KIAA0319L: variants seen among roughly 807,000 people sequenced by gnomAD.
KIAA0319L encodes the protein dyslexia-associated protein KIAA0319-like protein.
A neutral mutation model predicts 120.1 loss-of-function variants in KIAA0319L; 55 were observed. The ratio of observed to expected loss-of-function variants is 0.46; its 90% confidence interval spans 0.37 to 0.57. The LOEUF (loss-of-function observed/expected upper bound fraction) is 0.57. KIAA0319L is among the 20% of genes least tolerant of loss of function. The pLI, the probability that KIAA0319L is intolerant of heterozygous loss-of-function variation, is 0.00. For missense variants in KIAA0319L, 1,049 were observed against 1,255.3 expected, an observed-to-expected ratio of 0.84 and a Z score of 2.48; for synonymous variants, 398 against 471.9, an observed-to-expected ratio of 0.84 and a Z score of 2.03.
At position 35,474,678 on chromosome 1, in the gene KIAA0319L, C is replaced by T. The variant is rs72659618; in HGVS notation, c.1015+127G>A. 0.015 allele frequency: 8,885 copies of T among 585,544 alleles called. 104 individuals carry two copies. Among genetic ancestry groups the T allele is most frequent in the Non-Finnish European group, 0.02 (6,507 of 327,658 alleles). 36.3% of individuals were successfully genotyped at this position (585,544 alleles called of 1,614,324 possible). On this transcript the variant is annotated intron_variant, in intron 5 of 20. Transcript: ENST00000325722. ...TGGTAGTGTATGCCAGTAGTTCCAGCTACTAGGAAGACTAAGGTGGGAGGA... is the reference window on the plus strand; with the variant it reads ...TGGTAGTGTATGCCAGTAGTTCCAGTTACTAGGAAGACTAAGGTGGGAGGA...
At chr1:35,459,715 C>T (rs981690417) in intron 9 of KIAA0319L, among the ~76,000 whole-genome samples, 4 of 152,072 alleles carry the variant, frequency 2.6e-5, no homozygotes, top group African/African-American at 9.7e-5. Context: ...GTATGATACT[C>T]ATATATTAAT....
At position 35,554,476 on chromosome 1, in the gene KIAA0319L, C is replaced by G; in HGVS notation, c.16G>C (p.Gly6Arg). Residue 6 changes from glycine (G) to arginine (R), a missense_variant, in exon 2 of 21, where the codon GGA becomes CGA. Transcript: ENST00000325722. ...CAGGAAGCAGGATTTGGCTTGACTC[C>G]CAGCCTCTTCTCCATGGCCCTCCAG... MEKRL[G>R]VKPNPASWIL... 1 of 1,610,598 alleles carries G rather than the reference C, an allele frequency of 6.2e-7. No homozygotes were observed. Among genetic ancestry groups the G allele is most frequent in the South Asian group, 1.1e-5 (1 of 90,108 alleles).
intron 2 of KIAA0319L, among the ~76,000 whole-genome samples, chr1:35,524,650 T>A (rs2148451979): frequency 6.6e-6 from 1 of 152,328 alleles, no homozygotes; most frequent in African/African-American, 2.4e-5. Context: ...CTTTGCCTTA[T>A]CTCAAGGGAG....
intron 3 of KIAA0319L, among the ~76,000 whole-genome samples, chr1:35,500,198 A>T (rs1644954998): frequency 6.6e-6 from 1 of 152,218 alleles, no homozygotes; most frequent in African/African-American, 2.4e-5. Context: ...CTGCGCTCAA[A>T]TAAAGCACTT....
At chr1:35,465,685 G>T (rs1046187181) in intron 7 of KIAA0319L, among the ~76,000 whole-genome samples, 1 of 152,148 alleles carries the variant, frequency 6.6e-6, no homozygotes, top group African/African-American at 2.4e-5. Flanking sequence ...GAATGATATG[G>T]TTTGGCTGTG....
intron 3 of KIAA0319L, among the ~76,000 whole-genome samples, chr1:35,503,402 C>T (rs527798916): frequency 2.6e-5 from 4 of 152,318 alleles, no homozygotes; most frequent in African/African-American, 7.2e-5. Context: ...TGGCACACTC[C>T]AGGAACTTTC....
chr1:35,460,861 G>A (rs1265538771), intron 8 of KIAA0319L, among the ~76,000 whole-genome samples: 1 of 152,182 alleles, frequency 6.6e-6, no homozygotes, highest in Non-Finnish European at 1.5e-5. Flanking sequence ...CCTCTCATTA[G>A]TCATGGTATA....
At position 35,434,488 on chromosome 1, in the gene KIAA0319L, C is replaced by A; in HGVS notation, c.*406G>T. 1 of 166,620 alleles carries A rather than the reference C, an allele frequency of 6.0e-6. No individual in the cohort carries two copies. 10.3% of individuals were successfully genotyped at this position (166,620 alleles called of 1,614,324 possible). The stretch of plus-strand genomic sequence containing the variant: ...TACTCTACCCCAGAGAGGGAAACAC[C>A]ATGCCCACAGTGCTTGGTTTTGCAC... On this transcript the variant is annotated 3_prime_UTR_variant, in exon 21 of 21. Transcript: ENST00000325722.
At chr1:35,438,484 T>G (rs1316443410) in intron 20 of KIAA0319L, 1 of 142,612 alleles carries the variant, frequency 7.0e-6, no homozygotes, top group East Asian at 2.3e-4. Context: ...GCCTTTCCCC[T>G]CCAACCCCTG....
chr1:35,509,928 G>A (rs1160357743), intron 2 of KIAA0319L: 1 of 152,304 alleles, frequency 6.6e-6, no homozygotes, highest in Non-Finnish European at 1.5e-5. Context: ...AACTGCGTCA[G>A]GTACCTCTGC....
At chr1:35,499,583 A>C (rs1229144608) in intron 3 of KIAA0319L, among the ~76,000 whole-genome samples, 3 of 152,204 alleles carry the variant, frequency 2.0e-5, no homozygotes, top group Non-Finnish European at 4.4e-5. Flanking sequence ...TTAAGACAAT[A>C]AATTAGCTTA....
rs954388231 is a variant in KIAA0319L, at chr1:35,513,025, A to G, written c.143-5890T>C. ...GAACTCATTTATGTATGTGTTATCT[A>G]TAGTTGCCTTTGCTCTACCATGGCA... On this transcript the variant is annotated intron_variant, in intron 2 of 20. Transcript: ENST00000325722. Among the ~76,000 whole-genome samples the G allele has an allele frequency of 1.1e-4, 16 of 151,450 alleles. No individual in the cohort carries two copies. In the South Asian group the frequency reaches 2.9e-3, roughly 28 times the overall value.
chr1:35,517,621 C>T (rs11264168), intron 2 of KIAA0319L, among the ~76,000 whole-genome samples: 13,770 of 151,960 alleles, frequency 0.091, 1,384 homozygotes, highest in East Asian at 0.44. Flanking sequence ...TGGAAGACAA[C>T]GACAACCTAG....
chr1:35,538,589 T>G (rs556023747), intron 2 of KIAA0319L, among the ~76,000 whole-genome samples: 1 of 56,904 alleles, frequency 1.8e-5, no homozygotes, highest in South Asian at 6.2e-4. Flanking sequence ...AAACTCTGTC[T>G]CAAAAAAAAA....
chr1:35,469,751 G>A (rs993753224), intron 6 of KIAA0319L, among the ~76,000 whole-genome samples: 1 of 151,694 alleles, frequency 6.6e-6, no homozygotes, highest in African/African-American at 2.4e-5. Context: ...AGACTCTATT[G>A]TTCTTGAACA....
chr1:35,484,802 A>ATTT (rs1335474741), intron 3 of KIAA0319L, among the ~76,000 whole-genome samples: 2 of 14,108 alleles, frequency 1.4e-4, no homozygotes, highest in South Asian at 3.6e-3. Flanking sequence ...ATATATATAT[A>ATTT]TATATTTTTT....
chr1:35,442,144 G>A, intron 19 of KIAA0319L, 102 bp downstream of exon 19: 1 of 868,766 alleles, frequency 1.2e-6, no homozygotes, highest in South Asian at 1.4e-5. Flanking sequence ...GCTGACTAAG[G>A]ACCCAGCCCA....
Position 35,456,126 on chromosome 1 carries a change from G to A in KIAA0319L, c.1543C>T (p.Leu515=). The A allele has an allele frequency of 6.2e-7, 1 of 1,614,076 alleles. No individual in the cohort carries two copies. The change falls in exon 10 of 21, where the codon CTG becomes TTG. Residue 515 remains leucine, a synonymous_variant. Transcript: ENST00000325722. ...ANAGPNQVIT[L]PQNSITLFGN... is the part of the protein sequence containing the mutation. ...AAGAGGGTGATGGAGTTTTGGGGCA[G>A]GGTGATCACTTGGTTGGGGCCTGCG...
At chr1:35,457,128 G>A (rs1642527898) in intron 9 of KIAA0319L, among the ~76,000 whole-genome samples, 1 of 152,060 alleles carries the variant, frequency 6.6e-6, no homozygotes, top group South Asian at 2.1e-4. Flanking sequence ...ATATAGAGTA[G>A]GCATCATTGA....
Sources: gnomAD v4.1 joint callset for allele counts (sites outside exome capture counted in the v4.1 genomes callset) on GRCh38, gnomAD v4.1.1 for gene constraint, MANE v1.5 for transcripts, NCBI Gene and HGNC (gene_info 2026-07-23, HGNC 2026-07-21) for gene names.